Variants in CTNNA2 observed in about 807,000 individuals in gnomAD.
The protein encoded by CTNNA2 is catenin alpha-2.
In CTNNA2, 42 loss-of-function variants were observed where a neutral mutation model predicts 101.0. The observed-to-expected ratio is 0.42, with a 90% confidence interval of 0.32 to 0.54. The LOEUF is 0.54. CTNNA2 is among the 20% of genes least tolerant of loss of function. The pLI, the probability that CTNNA2 is intolerant of heterozygous loss-of-function variation, is 0.14. For synonymous variants in CTNNA2, 450 were observed against 456.4 expected, an observed-to-expected ratio of 0.99 and a Z score of 0.18; for missense variants, 871 against 1,223.1, an observed-to-expected ratio of 0.71 and a Z score of 4.29.
intron 3 of CTNNA2, among the ~76,000 whole-genome samples, chr2:79,793,357 C>A (rs770946699): frequency 1.3e-5 from 2 of 152,130 alleles, no homozygotes; most frequent in Non-Finnish European, 2.9e-5. Context: ...TGAGACAGAG[C>A]GACTCATGTA....
At chr2:80,599,530 A>C (rs1404173686) in intron 15 of CTNNA2, among the ~76,000 whole-genome samples, 1 of 152,028 alleles carries the variant, frequency 6.6e-6, no homozygotes, top group African/African-American at 2.4e-5. Flanking sequence ...TTGGTCCCCT[A>C]CCTCCAGAAA....
chr2:80,496,239 G>T (rs540497532), intron 9 of CTNNA2, among the ~76,000 whole-genome samples: 1 of 152,244 alleles, frequency 6.6e-6, no homozygotes, highest in Non-Finnish European at 1.5e-5. Flanking sequence ...TGTTACGACA[G>T]CCCCAGGAAA....
chr2:79,483,735 T>G, intron 4 of CTNNA2, among the ~76,000 whole-genome samples: 1 of 152,346 alleles, frequency 6.6e-6, no homozygotes, highest in South Asian at 2.1e-4. Flanking sequence ...CGAATGCTAT[T>G]ATTTCATTTA....
intron 2 of CTNNA2, among the ~76,000 whole-genome samples, chr2:79,276,198 A>G (rs1192092025): frequency 6.6e-6 from 1 of 152,120 alleles, no homozygotes; most frequent in Non-Finnish European, 1.5e-5. Context: ...TATTGTAAGA[A>G]CTTGGTTTTC....
At chr2:79,665,499 A>G (rs975171999) in intron 2 of CTNNA2, among the ~76,000 whole-genome samples, 3 of 152,214 alleles carry the variant, frequency 2.0e-5, no homozygotes, top group Non-Finnish European at 4.4e-5. Context: ...TTGCTGACAC[A>G]TGAAAGTGCC....
intron 1 of CTNNA2, among the ~76,000 whole-genome samples, chr2:79,580,329 T>C (rs952945519): frequency 1.3e-5 from 2 of 152,200 alleles, no homozygotes; most frequent in Non-Finnish European, 2.9e-5. Flanking sequence ...CACCCACTGC[T>C]ATTGGCTTTG....
intron 8 of CTNNA2, among the ~76,000 whole-genome samples, chr2:80,402,169 G>A (rs1206814239): frequency 6.6e-6 from 1 of 152,168 alleles, no homozygotes; most frequent in African/African-American, 2.4e-5. Context: ...AGAATATTCA[G>A]GTGAGCAGTC....
At chr2:80,558,227 C>A (rs924257216) in intron 12 of CTNNA2, among the ~76,000 whole-genome samples, 1 of 152,080 alleles carries the variant, frequency 6.6e-6, no homozygotes, top group African/African-American at 2.4e-5. Flanking sequence ...TGGTATTTGT[C>A]CCCAATTGTT....
chr2:80,371,673 A>G (rs1403442743), intron 7 of CTNNA2, among the ~76,000 whole-genome samples: 1 of 152,108 alleles, frequency 6.6e-6, no homozygotes, highest in African/African-American at 2.4e-5. Context: ...ATTGAATAAA[A>G]TGATGGAGGG....
intron 7 of CTNNA2, among the ~76,000 whole-genome samples, chr2:80,358,067 C>G (rs1674010690): frequency 6.6e-6 from 1 of 152,084 alleles, no homozygotes; most frequent in South Asian, 2.1e-4. Context: ...TCTTTGTGAA[C>G]TGGGGAAACG....
chr2:80,443,096 A>G lies in CTNNA2; in HGVS notation c.1290+23495A>G, dbSNP rs577702369. Among the ~76,000 whole-genome samples the G allele has an allele frequency of 1.6e-4, 25 of 152,322 alleles. 1 individual carries two copies. In the South Asian group the frequency reaches 3.3e-3, roughly 20 times the overall value. ...CCTGAGGTATTAACAACCAAACTGA[A>G]TAAAGGCAGCCTTCCTGTGGAACCA... On this transcript the variant is annotated intron_variant, in intron 9 of 18. Coordinates refer to ENST00000402739, the MANE Select transcript of CTNNA2 (RefSeq NM_001282597.3).
intron 3 of CTNNA2, among the ~76,000 whole-genome samples, chr2:79,813,905 T>G (rs1677247053): frequency 6.6e-6 from 1 of 152,178 alleles, no homozygotes; most frequent in Admixed American, 6.6e-5. Flanking sequence ...GTCAAGGTGT[T>G]TGCAGGGGCA....
intron 18 of CTNNA2, among the ~76,000 whole-genome samples, chr2:80,636,701 A>T (rs1195509235): frequency 6.6e-6 from 1 of 152,090 alleles, no homozygotes; most frequent in Non-Finnish European, 1.5e-5. Context: ...TTTTATATAG[A>T]CTATTTATTT....
intron 7 of CTNNA2, among the ~76,000 whole-genome samples, chr2:80,207,024 A>G (rs961083671): frequency 2.0e-5 from 3 of 152,124 alleles, no homozygotes; most frequent in Middle Eastern, 3.2e-3. Context: ...ATTCCATCGT[A>G]TTCATTTCTG....
At chr2:79,635,598 G>A (rs1239259359) in intron 1 of CTNNA2, among the ~76,000 whole-genome samples, 1 of 150,904 alleles carries the variant, frequency 6.6e-6, no homozygotes, top group African/African-American at 2.4e-5. Context: ...CTGCCTCCCA[G>A]GCTCAAGCAA....
chr2:79,971,044 G>T (rs1487059968), intron 7 of CTNNA2, among the ~76,000 whole-genome samples: 1 of 152,162 alleles, frequency 6.6e-6, no homozygotes, highest in Non-Finnish European at 1.5e-5. Flanking sequence ...ACTGGCCCAA[G>T]AATTCAGGTT....
At chr2:80,177,130 G>T (rs1838253) in intron 7 of CTNNA2, among the ~76,000 whole-genome samples, 1 of 152,004 alleles carries the variant, frequency 6.6e-6, no homozygotes, top group Non-Finnish European at 1.5e-5. Flanking sequence ...AGGGTGATGG[G>T]GAACATGGTG....
chr2:79,308,829 C>T (rs1676304554), intron 2 of CTNNA2, among the ~76,000 whole-genome samples: 1 of 145,124 alleles, frequency 6.9e-6, no homozygotes, highest in Non-Finnish European at 1.5e-5. Flanking sequence ...AATTATTTTC[C>T]TTCTCTATTG....
chr2:79,439,329 T>C (rs1390467614), intron 4 of CTNNA2, among the ~76,000 whole-genome samples: 1 of 152,206 alleles, frequency 6.6e-6, no homozygotes, highest in Non-Finnish European at 1.5e-5. Context: ...AGCTCCCATA[T>C]TGTATGATTT....
Sources: gnomAD v4.1 joint callset for allele counts (sites outside exome capture counted in the v4.1 genomes callset) on GRCh38, gnomAD v4.1.1 for gene constraint, MANE v1.5 for transcripts, NCBI Gene and HGNC (gene_info 2026-07-23, HGNC 2026-07-21) for gene names.